FHL5: variants seen among roughly 807,000 people sequenced by gnomAD.
FHL5 encodes the protein four and a half LIM domains 5, also known as four and a half LIM domains protein 5.
A neutral mutation model predicts 32.0 loss-of-function variants in FHL5; 33 were observed. That is an observed-to-expected ratio of 1.03 (90% CI 0.78 to 1.38). FHL5 has a LOEUF of 1.38. Ranked by LOEUF, FHL5 falls within the 40% of genes most tolerant of loss-of-function variation. FHL5 has a pLI of 0.00. For missense variants in FHL5, 336 were observed against 343.9 expected (o/e 0.98, Z 0.18); for synonymous variants, 114 against 113.6 (o/e 1.00, Z -0.02).
chr6:96,593,480 T>C (rs1770964125), intron 1 of FHL5, among the ~76,000 whole-genome samples: 2 of 152,270 alleles, frequency 1.3e-5, no homozygotes, highest in South Asian at 4.1e-4. Context: ...GTTATCTTAA[T>C]ATAATTTTAG....
Position 96,603,772 on chromosome 6 carries a change from GGTAA to G in FHL5, c.159+3_159+6del. 1 of 1,605,632 alleles carries G rather than the reference GGTAA, an allele frequency of 6.2e-7. No homozygotes were observed. Among genetic ancestry groups the G allele is most frequent in the African/African-American group, 1.3e-5 (1 of 74,836 alleles). On this transcript the variant is annotated splice_donor_variant and splice_donor_region_variant and intron_variant, in intron 2 of 5. Coordinates refer to ENST00000450218, the MANE Select transcript of FHL5 (RefSeq NM_001322466.2). LOFTEE classifies it high-confidence loss of function. ...AAAAACCAATTGAATCTGATTCTAA[GGTAA>G]GTCTCACCTCAATTTACAGAATTAC...
chr6:96,573,934 T>C (rs1770535159), intron 1 of FHL5, among the ~76,000 whole-genome samples: 2 of 152,306 alleles, frequency 1.3e-5, no homozygotes, highest in Middle Eastern at 3.4e-3. Context: ...GATTACAGTA[T>C]ACAATTTGAA....
rs1316969088 is a variant in FHL5 at position 96,617,227 on chromosome 6, G to C, written c.*1455G>C. Among the ~76,000 whole-genome samples, 1 of 152,170 alleles carries C rather than the reference G, an allele frequency of 6.6e-6. No individual in the cohort carries two copies. The highest frequency in any genetic ancestry group is 1.5e-5 in the Non-Finnish European group (1 of 68,038). On this transcript the variant is annotated 3_prime_UTR_variant, in exon 6 of 6. Coordinates refer to ENST00000450218, the MANE Select transcript of FHL5 (RefSeq NM_001322466.2). Reference sequence around the variant, plus strand: ...CATTGGTTATAGCATCTCTTGGATGGAGTAGAGGGAGGTCAGGAGAAGAAG... The same window carrying C: ...CATTGGTTATAGCATCTCTTGGATGCAGTAGAGGGAGGTCAGGAGAAGAAG...
intron 1 of FHL5, among the ~76,000 whole-genome samples, chr6:96,597,754 T>C (rs1021769029): frequency 3.3e-5 from 5 of 152,170 alleles, no homozygotes; most frequent in African/African-American, 1.2e-4. Context: ...TCACTGCCCT[T>C]CCCAGTTCTG....
At chr6:96,594,224 AATTTATATATAT>A (rs1193073874) in intron 1 of FHL5, among the ~76,000 whole-genome samples, 12 of 102,712 alleles carry the variant, frequency 1.2e-4, no homozygotes, top group African/African-American at 4.7e-4. Flanking sequence ...TAAATATTAG[AATTTATATATAT>A]ATATATATAT....
chr6:96,574,021 A>C (rs956282878), intron 1 of FHL5, among the ~76,000 whole-genome samples: 4 of 152,046 alleles, frequency 2.6e-5, no homozygotes, highest in Admixed American at 6.5e-5. Flanking sequence ...TTTTCTTCTA[A>C]ACTTGTTTCT....
intron 1 of FHL5, among the ~76,000 whole-genome samples, chr6:96,566,924 C>G (rs1428899194): frequency 1.3e-5 from 2 of 151,922 alleles, no homozygotes; most frequent in Non-Finnish European, 2.9e-5. Context: ...ATACTTTCTC[C>G]TGTCCTGCAG....
chr6:96,615,199 G>A (rs1315195938), intron 5 of FHL5, among the ~76,000 whole-genome samples: 10 of 152,152 alleles, frequency 6.6e-5, no homozygotes, highest in Non-Finnish European at 2.9e-5. Flanking sequence ...TTGCAGCTAA[G>A]AAAACTTAAA....
Position 96,603,599 on chromosome 6 carries a change from T to C in FHL5, c.-12-3T>C, listed in dbSNP as rs772787261. On this transcript the variant is annotated splice_polypyrimidine_tract_variant and splice_region_variant and intron_variant, in intron 1 of 5. Transcript: ENST00000450218. ...TATACATTAATCACTTTGTCATTCA[T>C]AGGATCAAACCAAAATGACAACTGC... 1.2e-6 allele frequency: 2 copies of C among 1,605,514 alleles called. No individual in the cohort carries two copies. The highest frequency in any genetic ancestry group is 1.1e-5 in the South Asian group (1 of 89,272).
intron 1 of FHL5, among the ~76,000 whole-genome samples, chr6:96,584,271 C>A (rs562112287): frequency 6.6e-6 from 1 of 152,114 alleles, no homozygotes; most frequent in African/African-American, 2.4e-5. Context: ...GGACCTTGAC[C>A]GATGAGGATA....
intron 5 of FHL5, among the ~76,000 whole-genome samples, chr6:96,613,803 C>G (rs931217278): frequency 6.6e-5 from 10 of 152,196 alleles, no homozygotes; most frequent in African/African-American, 2.4e-4. Flanking sequence ...CTTCTCACTT[C>G]TCAGTTTTTG....
intron 1 of FHL5, among the ~76,000 whole-genome samples, chr6:96,589,837 C>A (rs1337952659): frequency 6.6e-6 from 1 of 151,956 alleles, no homozygotes; most frequent in Non-Finnish European, 1.5e-5. Context: ...TGGAAATAAT[C>A]TTTATATGTC....
At chr6:96,573,806 C>T (rs1165011094) in intron 1 of FHL5, among the ~76,000 whole-genome samples, 1 of 151,880 alleles carries the variant, frequency 6.6e-6, no homozygotes, top group African/African-American at 2.4e-5. Flanking sequence ...CAGGCATGAA[C>T]CACCGCGTCT....
At chr6:96,581,619 C>T (rs898710264) in intron 1 of FHL5, among the ~76,000 whole-genome samples, 1 of 152,070 alleles carries the variant, frequency 6.6e-6, no homozygotes, top group Non-Finnish European at 1.5e-5. Context: ...TTTCATGCAA[C>T]AGGAAGAACT....
chr6:96,564,503 A>T (rs1019978650), intron 1 of FHL5, among the ~76,000 whole-genome samples: 1 of 152,204 alleles, frequency 6.6e-6, no homozygotes, highest in African/African-American at 2.4e-5. Context: ...GTTTTAATAT[A>T]ACACCACCTC....
At chr6:96,584,652 G>A (rs1184286068) in intron 1 of FHL5, among the ~76,000 whole-genome samples, 1 of 152,078 alleles carries the variant, frequency 6.6e-6, no homozygotes, top group Non-Finnish European at 1.5e-5. Context: ...GGCTGAGTGA[G>A]ATTTTTATCA....
At chr6:96,593,608 A>C (rs1340454262) in intron 1 of FHL5, among the ~76,000 whole-genome samples, 1 of 152,148 alleles carries the variant, frequency 6.6e-6, no homozygotes, top group Non-Finnish European at 1.5e-5. Flanking sequence ...TAAGCTTACC[A>C]GGCCTGCTAC....
chr6:96,601,699 AT>A (rs1771152171), intron 1 of FHL5, among the ~76,000 whole-genome samples: 1 of 152,248 alleles, frequency 6.6e-6, no homozygotes, highest in Admixed American at 6.5e-5. Flanking sequence ...TAAAATAAAT[AT>A]TAATGAAAAC....
chr6:96,595,096 TAG>T (rs907771995), intron 1 of FHL5, among the ~76,000 whole-genome samples: 64 of 151,894 alleles, frequency 4.2e-4, no homozygotes, highest in Admixed American at 3.5e-3. Context: ...AACCTTCCGT[TAG>T]AGAGTTTCCT....
Sources: gnomAD v4.1 joint callset for allele counts (sites outside exome capture counted in the v4.1 genomes callset) on GRCh38, gnomAD v4.1.1 for gene constraint, MANE v1.5 for transcripts, NCBI Gene and HGNC (gene_info 2026-07-23, HGNC 2026-07-21) for gene names.